The following CHLSN variants were observed in gnomAD, a reference collection of about 807,000 sequenced individuals.
CHLSN encodes the protein protein cholesin.
chr7:1,071,059 C>T, the CHLSN span, among the ~76,000 whole-genome samples: 18 of 152,374 alleles, frequency 1.2e-4, no homozygotes, highest in Admixed American at 8.5e-4. Context: ...GCAGTGCCAC[C>T]GGAGCCAGCC....
the CHLSN span, among the ~76,000 whole-genome samples, chr7:1,031,080 C>A: frequency 2.0e-5 from 3 of 152,192 alleles, no homozygotes; most frequent in African/African-American, 2.4e-5. Context: ...CTAGAGCCCC[C>A]TCCCCCAGCA....
the CHLSN span, among the ~76,000 whole-genome samples, chr7:1,112,019 G>A: frequency 6.6e-6 from 1 of 152,260 alleles, no homozygotes; most frequent in South Asian, 2.1e-4. Context: ...CATTAATCAT[G>A]TATAACTCAG....
chr7:1,041,952 A>G, the CHLSN span, among the ~76,000 whole-genome samples: 5 of 152,328 alleles, frequency 3.3e-5, no homozygotes, highest in South Asian at 1.0e-3. Flanking sequence ...ACCCGCCTGA[A>G]TGCGGCAGGG....
At chr7:987,355 C>T in the CHLSN span, 2 of 1,580,166 alleles carry the variant, frequency 1.3e-6, no homozygotes, top group Middle Eastern at 1.7e-4. Context: ...AGGCCGGGTG[C>T]AGGAGGAGCT....
chr7:1,062,127 A>G, the CHLSN span, among the ~76,000 whole-genome samples: 1 of 152,214 alleles, frequency 6.6e-6, no homozygotes, highest in Non-Finnish European at 1.5e-5. Context: ...AAAATCATTC[A>G]TCTTATTTTT....
chr7:1,118,159 A>G, the CHLSN span, among the ~76,000 whole-genome samples: 459 of 152,348 alleles, frequency 3.0e-3, 2 homozygotes, highest in Non-Finnish European at 5.5e-3. Flanking sequence ...TAAGCCAGAA[A>G]CAAAAAAGTA....
chr7:1,007,035 G>A, the CHLSN span, among the ~76,000 whole-genome samples: 1 of 152,214 alleles, frequency 6.6e-6, no homozygotes, highest in African/African-American at 2.4e-5. Flanking sequence ...GGGGCATGAA[G>A]ACCCCACGGG....
chr7:1,010,803 C>T, the CHLSN span, among the ~76,000 whole-genome samples: 6 of 152,200 alleles, frequency 3.9e-5, no homozygotes, highest in South Asian at 2.1e-4. Context: ...CCGGGGCAGC[C>T]GGGCCACGGG....
At chr7:979,102 A>G in the CHLSN span, among the ~76,000 whole-genome samples, 1 of 152,254 alleles carries the variant, frequency 6.6e-6, no homozygotes, top group Non-Finnish European at 1.5e-5. Flanking sequence ...TTTGGGATCC[A>G]GCCTCCACTG....
chr7:980,775 C>T, the CHLSN span, among the ~76,000 whole-genome samples: 1 of 151,422 alleles, frequency 6.6e-6, no homozygotes, highest in Non-Finnish European at 1.5e-5. Context: ...GCAAGCTCCG[C>T]CTCCCGGGTT....
At chr7:1,124,601 A>G in the CHLSN span, among the ~76,000 whole-genome samples, 1 of 148,194 alleles carries the variant, frequency 6.7e-6, no homozygotes, top group African/African-American at 2.5e-5. Flanking sequence ...ATTGGGAGAT[A>G]TACCTAATGC....
At chr7:1,107,231 T>C in the CHLSN span, among the ~76,000 whole-genome samples, 3 of 152,046 alleles carry the variant, frequency 2.0e-5, no homozygotes, top group African/African-American at 7.2e-5. Flanking sequence ...TGCAACCCAC[T>C]ATCCCCAAGC....
chr7:999,876 C>T, the CHLSN span, among the ~76,000 whole-genome samples: 3 of 152,232 alleles, frequency 2.0e-5, no homozygotes, highest in Non-Finnish European at 2.9e-5. Flanking sequence ...GCCCAGCAGC[C>T]GGGTTTAGTT....
At chr7:1,073,732 C>T in the CHLSN span, among the ~76,000 whole-genome samples, 28 of 138,902 alleles carry the variant, frequency 2.0e-4, no homozygotes, top group African/African-American at 7.6e-4. Context: ...CCCCTCACCC[C>T]GCTGCCGTCA....
the CHLSN span, chr7:1,028,520 G>A: frequency 1.3e-5 from 13 of 985,058 alleles, no homozygotes; most frequent in African/African-American, 2.1e-4. Flanking sequence ...CCCTGCTGCA[G>A]CCCCCACTGC....
the CHLSN span, among the ~76,000 whole-genome samples, chr7:1,059,497 G>T: frequency 1.4e-5 from 2 of 140,932 alleles, no homozygotes; most frequent in Non-Finnish European, 3.0e-5. Context: ...AGTGGGGCGG[G>T]TCCGTAGTGG....
chr7:1,041,515 C>T, the CHLSN span, among the ~76,000 whole-genome samples: 2,973 of 152,264 alleles, frequency 0.02, 99 homozygotes, highest in African/African-American at 0.068. Context: ...CTGAACAACA[C>T]CACGTTTTAC....
chr7:1,063,435 T>C, the CHLSN span, among the ~76,000 whole-genome samples: 1 of 152,202 alleles, frequency 6.6e-6, no homozygotes, highest in Admixed American at 6.5e-5. Context: ...TGCGTCATTT[T>C]CCCGTGTCCC....
At chr7:1,051,397 T>C in the CHLSN span, among the ~76,000 whole-genome samples, 4 of 152,214 alleles carry the variant, frequency 2.6e-5, no homozygotes, top group Admixed American at 6.5e-5. Flanking sequence ...GTGCAGCAGT[T>C]TCCCGCACAG....
Sources: allele counts gnomAD v4.1 joint callset (sites outside exome capture counted in the v4.1 genomes callset), GRCh38; gene constraint gnomAD v4.1.1; transcripts MANE v1.5; gene names NCBI Gene and HGNC (gene_info 2026-07-23, HGNC 2026-07-21).